TRAK1: variants seen among roughly 807,000 people sequenced by gnomAD.
TRAK1 encodes the protein trafficking kinesin-binding protein 1.
In TRAK1, 33 loss-of-function variants were observed where a neutral mutation model predicts 92.1. The ratio of observed to expected loss-of-function variants is 0.36; its 90% confidence interval spans 0.27 to 0.48. The LOEUF (loss-of-function observed/expected upper bound fraction) is 0.48. TRAK1 is among the 20% of genes least tolerant of loss of function. TRAK1 has a pLI of 0.99. For synonymous variants in TRAK1, 521 were observed against 517.3 expected (o/e 1.01, Z -0.10); for missense variants, 1,123 against 1,257.9 (o/e 0.89, Z 1.62).
chr3:42,042,600 G>A (rs1182502851), intron 1 of TRAK1, among the ~76,000 whole-genome samples: 2 of 151,822 alleles, frequency 1.3e-5, no homozygotes, highest in African/African-American at 2.4e-5. Flanking sequence ...TGAACTCTTG[G>A]TCTCAAGTGA....
chr3:42,033,657 C>T (rs965255352), intron 1 of TRAK1, among the ~76,000 whole-genome samples: 4 of 152,118 alleles, frequency 2.6e-5, no homozygotes, highest in Admixed American at 2.0e-4. Context: ...GTTTTTTCAT[C>T]TAGAATAAGA....
chr3:42,222,758 A>G (rs1030724713), intron 15 of TRAK1, among the ~76,000 whole-genome samples, 184 bp from the exon 16 acceptor site: 3 of 152,098 alleles, frequency 2.0e-5, no homozygotes, highest in South Asian at 2.1e-4. Context: ...AACTTAAACC[A>G]TGCTTCCCTT....
intron 1 of TRAK1, among the ~76,000 whole-genome samples, chr3:42,094,184 G>A (rs1172359097): frequency 6.6e-6 from 1 of 152,198 alleles, no homozygotes; most frequent in Non-Finnish European, 1.5e-5. Context: ...TTGACTGGGA[G>A]TGACTGAGAG....
intron 2 of TRAK1, among the ~76,000 whole-genome samples, chr3:42,136,026 C>T (rs1313983430): frequency 6.6e-6 from 1 of 152,198 alleles, no homozygotes; most frequent in Admixed American, 6.5e-5. Context: ...GTGCCTTCCC[C>T]TGTTCTCCTA....
At chr3:42,177,093 A>G (rs548667852) in intron 3 of TRAK1, among the ~76,000 whole-genome samples, 2 of 152,342 alleles carry the variant, frequency 1.3e-5, no homozygotes, top group African/African-American at 4.8e-5. Flanking sequence ...ATTTTAAAGG[A>G]ATATATTAAT....
chr3:42,192,277 T>C (rs1351850185), intron 7 of TRAK1, among the ~76,000 whole-genome samples: 1 of 152,210 alleles, frequency 6.6e-6, no homozygotes, highest in Non-Finnish European at 1.5e-5. Context: ...CAGAACAGCT[T>C]ACTACCAGTA....
chr3:42,175,837 C>G (rs1378999222), intron 2 of TRAK1, among the ~76,000 whole-genome samples: 3 of 152,174 alleles, frequency 2.0e-5, no homozygotes, highest in Non-Finnish European at 4.4e-5. Flanking sequence ...CAGAATTATT[C>G]ACTGAAGTCT....
At chr3:42,205,433 C>G (rs1708215324) in intron 13 of TRAK1, among the ~76,000 whole-genome samples, 1 of 152,148 alleles carries the variant, frequency 6.6e-6, no homozygotes, top group East Asian at 1.9e-4. Flanking sequence ...ATTAATCTTG[C>G]CATCTGCTTA....
intron 2 of TRAK1, among the ~76,000 whole-genome samples, chr3:42,153,527 G>T (rs1700193930): frequency 6.6e-6 from 1 of 152,182 alleles, no homozygotes; most frequent in Non-Finnish European, 1.5e-5. Flanking sequence ...TTTATAACCT[G>T]ATAGATTTGA....
intron 1 of TRAK1, among the ~76,000 whole-genome samples, chr3:42,078,927 G>T (rs1704293952): frequency 6.6e-6 from 1 of 152,132 alleles, no homozygotes; most frequent in Admixed American, 6.5e-5. Context: ...GAAAGCATAA[G>T]GAACACAGGA....
In TRAK1 at chr3:42,177,540, C is replaced by A. The variant is rs1313991198; in HGVS notation, c.363+650C>A. ...AAGTCTCCATCATTAATGCACTGCCCCCTTCACTGAATCAGGCCTTAAATG... is the reference window on the plus strand; with the variant it reads ...AAGTCTCCATCATTAATGCACTGCCACCTTCACTGAATCAGGCCTTAAATG... On this transcript the variant is annotated intron_variant, in intron 3 of 15. Transcript: ENST00000327628. Among the ~76,000 whole-genome samples the A allele has an allele frequency of 2.6e-5, 4 of 152,276 alleles. No individual in the cohort carries two copies. In the East Asian group the frequency reaches 7.7e-4, roughly 29 times the overall value.
At chr3:42,160,542 C>A in intron 2 of TRAK1, 3 of 1,455,164 alleles carry the variant, frequency 2.1e-6, no homozygotes, top group Non-Finnish European at 2.8e-6. Context: ...GAATGTTTTG[C>A]TGATTTCATA....
At chr3:42,186,462 C>A (rs774760915) in intron 4 of TRAK1, among the ~76,000 whole-genome samples, 10 of 152,128 alleles carry the variant, frequency 6.6e-5, no homozygotes, top group Non-Finnish European at 7.4e-5. Context: ...AAGTTTTAAT[C>A]CTGGGCTTTA....
chr3:42,114,592 A>G (rs1708918589), intron 1 of TRAK1, among the ~76,000 whole-genome samples: 1 of 152,262 alleles, frequency 6.6e-6, no homozygotes, highest in Non-Finnish European at 1.5e-5. Context: ...CACCAGCTCC[A>G]TCTGTCTAAA....
intron 1 of TRAK1, among the ~76,000 whole-genome samples, chr3:42,053,955 T>G (rs181781153): frequency 4.1e-4 from 62 of 152,318 alleles, no homozygotes; most frequent in African/African-American, 1.4e-3. Context: ...CTTTTGAGTT[T>G]AATTGGAATT....
chr3:42,028,492 G>A (rs1464487390), intron 1 of TRAK1, among the ~76,000 whole-genome samples: 1 of 152,240 alleles, frequency 6.6e-6, no homozygotes, highest in East Asian at 1.9e-4. Flanking sequence ...ATAGATGTAG[G>A]ATATGATACC....
intron 6 of TRAK1, among the ~76,000 whole-genome samples, chr3:42,190,554 C>T (rs938242785): frequency 6.6e-6 from 1 of 152,204 alleles, no homozygotes; most frequent in South Asian, 2.1e-4. Flanking sequence ...CCTCTTCCAG[C>T]ACCTGCCCCA....
rs1703125217 is a variant in TRAK1 at position 42,054,705 on chromosome 3, G to A, written c.-518-32399G>A. On this transcript the variant is annotated intron_variant, in intron 1 of 16. Coordinates refer to the TRAK1 transcript ENST00000487159. ...ATTTTATATATAGTAGAAATTGTATGTATGGTGAAAAGTGGAAATAACTTT... is the reference window on the plus strand; with the variant it reads ...ATTTTATATATAGTAGAAATTGTATATATGGTGAAAAGTGGAAATAACTTT... Among the ~76,000 whole-genome samples the A allele has an allele frequency of 2.6e-5, 4 of 152,082 alleles. No homozygotes were observed. In the South Asian group the frequency reaches 8.3e-4, roughly 31 times the overall value.
intron 1 of TRAK1, among the ~76,000 whole-genome samples, chr3:42,079,625 G>A (rs550594641): frequency 1.5e-4 from 22 of 151,720 alleles, no homozygotes; most frequent in Non-Finnish European, 2.5e-4. Context: ...GACTACAGGC[G>A]CTCACCACCA....
Sources: allele counts gnomAD v4.1 joint callset (sites outside exome capture counted in the v4.1 genomes callset), GRCh38; gene constraint gnomAD v4.1.1; transcripts MANE v1.5; gene names NCBI Gene and HGNC (gene_info 2026-07-23, HGNC 2026-07-21).